The following FSTL5 variants were observed in gnomAD, a reference collection of about 807,000 sequenced individuals.
FSTL5 encodes follistatin-related protein 5.
In FSTL5, 62 loss-of-function variants were observed where a neutral mutation model predicts 89.1. The ratio of observed to expected loss-of-function variants is 0.70; its 90% CI spans 0.57 to 0.86. FSTL5 has a LOEUF of 0.86. Among genes scored for constraint, FSTL5 ranks in the 40% least tolerant of loss-of-function variants. The pLI, the probability that FSTL5 is intolerant of heterozygous loss-of-function variation, is 0.00. For synonymous variants in FSTL5, 383 were observed against 346.2 expected (o/e 1.11, Z -1.18); for missense variants, 1,057 against 1,001.6 (o/e 1.06, Z -0.75).
At chr4:162,009,301 C>T (rs2111125978) in intron 3 of FSTL5, among the ~76,000 whole-genome samples, 1 of 152,164 alleles carries the variant, frequency 6.6e-6, no homozygotes, top group African/African-American at 2.4e-5. Flanking sequence ...TATCTCTTCT[C>T]AACTTTGATA....
chr4:162,147,318 A>G (rs1307268062), intron 1 of FSTL5, among the ~76,000 whole-genome samples: 1 of 152,120 alleles, frequency 6.6e-6, no homozygotes, highest in East Asian at 1.9e-4. Flanking sequence ...ATTTCTCTTT[A>G]GTTAACATTC....
At chr4:161,781,003 T>C (rs1252271467) in intron 4 of FSTL5, among the ~76,000 whole-genome samples, 3 of 152,150 alleles carry the variant, frequency 2.0e-5, no homozygotes, top group Non-Finnish European at 4.4e-5. Context: ...TTTGATTAGT[T>C]TGATTCCAAT....
At chr4:161,514,297 G>T (rs1160323625) in intron 10 of FSTL5, among the ~76,000 whole-genome samples, 1 of 151,632 alleles carries the variant, frequency 6.6e-6, no homozygotes, top group Admixed American at 6.6e-5. Flanking sequence ...GCCATAAAAA[G>T]AAATGAAATC....
chr4:161,578,475 T>C (rs1379785900), intron 8 of FSTL5, among the ~76,000 whole-genome samples: 1 of 151,998 alleles, frequency 6.6e-6, no homozygotes, highest in African/African-American at 2.4e-5. Context: ...AATTCAGTGA[T>C]TTATGAGAAA....
intron 1 of FSTL5, among the ~76,000 whole-genome samples, chr4:162,131,287 C>T (rs1334526420): frequency 6.6e-6 from 1 of 152,154 alleles, no homozygotes; most frequent in Admixed American, 6.5e-5. Context: ...TATCTTTTCA[C>T]TTATAAGCCA....
intron 10 of FSTL5, among the ~76,000 whole-genome samples, chr4:161,534,831 G>A (rs1247221689): frequency 6.6e-6 from 1 of 151,844 alleles, no homozygotes; most frequent in African/African-American, 2.4e-5. Context: ...TATACTACAG[G>A]GAGACAGTAA....
At chr4:161,627,029 T>C (rs1163299192) in intron 7 of FSTL5, among the ~76,000 whole-genome samples, 1 of 152,190 alleles carries the variant, frequency 6.6e-6, no homozygotes, top group African/African-American at 2.4e-5. Context: ...GAAAATTGTT[T>C]AAATGACAAA....
chr4:161,560,093 T>C (rs1230430677), intron 8 of FSTL5, among the ~76,000 whole-genome samples: 1 of 151,782 alleles, frequency 6.6e-6, no homozygotes, highest in East Asian at 1.9e-4. Flanking sequence ...AGTGTTAGTG[T>C]AGTTTATATG....
chr4:162,071,138 A>C (rs1410057011), intron 2 of FSTL5, among the ~76,000 whole-genome samples: 1 of 151,748 alleles, frequency 6.6e-6, no homozygotes, highest in Non-Finnish European at 1.5e-5. Flanking sequence ...ACTATCAATA[A>C]AAATTTTGAA....
intron 1 of FSTL5, among the ~76,000 whole-genome samples, chr4:162,133,978 T>C (rs1732420482): frequency 6.6e-6 from 1 of 152,176 alleles, no homozygotes; most frequent in African/African-American, 2.4e-5. Flanking sequence ...CAATTAATCT[T>C]AGCACTGAAG....
In FSTL5 at chr4:161,587,476, T is replaced by C; in HGVS notation, c.994A>G (p.Thr332Ala). The change falls in exon 8 of 16, where the codon ACT (threonine) becomes GCT (alanine). Residue 332 changes from threonine to alanine, a missense_variant. Thr to Ala is a moderately conservative substitution (Grantham distance 58). Transcript: ENST00000306100. ...TTACCATTCACTTGGAAGATGTGAG[T>C]CTGATAGACTTGTTCATAGCCATCT... ...YADGYEQVYQTHIFQVNVPPV... is the reference protein window; with the variant it reads ...YADGYEQVYQAHIFQVNVPPV... 1 of 1,613,380 alleles carries C rather than the reference T, an allele frequency of 6.2e-7. No homozygotes were observed. Among genetic ancestry groups the C allele is most frequent in the Non-Finnish European group, 8.5e-7 (1 of 1,179,548 alleles).
intron 7 of FSTL5, 114 bp from the exon 8 acceptor site, chr4:161,587,689 A>T: frequency 1.4e-6 from 1 of 699,684 alleles, no homozygotes; most frequent in East Asian, 2.9e-5. Flanking sequence ...TTGTTTTAAA[A>T]TTATCAAAAT....
At chr4:161,715,909 T>A (rs1738961177) in intron 6 of FSTL5, among the ~76,000 whole-genome samples, 1 of 152,246 alleles carries the variant, frequency 6.6e-6, no homozygotes, top group Non-Finnish European at 1.5e-5. Flanking sequence ...CAGCATTTGC[T>A]TGGCCACTGC....
intron 10 of FSTL5, among the ~76,000 whole-genome samples, chr4:161,511,150 A>C (rs150881734): frequency 0.014 from 2,083 of 152,272 alleles, 45 homozygotes; most frequent in African/African-American, 0.045. Flanking sequence ...AGTTACAATA[A>C]CACTATATGT....
At chr4:161,520,625 G>C (rs1432247269) in intron 10 of FSTL5, among the ~76,000 whole-genome samples, 2 of 152,054 alleles carry the variant, frequency 1.3e-5, no homozygotes, top group Non-Finnish European at 2.9e-5. Context: ...ATTATATGTG[G>C]TTGGAACAAA....
At chr4:161,429,155 T>C (rs1344757870) in intron 15 of FSTL5, among the ~76,000 whole-genome samples, 1 of 151,762 alleles carries the variant, frequency 6.6e-6, no homozygotes, top group Non-Finnish European at 1.5e-5. Context: ...GAAGGGCTTT[T>C]TTGTGTGTGT....
chr4:161,578,712 C>G (rs1733323139), intron 8 of FSTL5, among the ~76,000 whole-genome samples: 1 of 151,856 alleles, frequency 6.6e-6, no homozygotes, highest in Non-Finnish European at 1.5e-5. Context: ...AAGAGAAACT[C>G]TTAAAAGCAG....
intron 2 of FSTL5, among the ~76,000 whole-genome samples, chr4:162,055,750 A>G (rs1400141837): frequency 6.6e-6 from 1 of 151,952 alleles, no homozygotes; most frequent in East Asian, 1.9e-4. Flanking sequence ...AGTTTTTACT[A>G]CTATGAATAG....
intron 3 of FSTL5, among the ~76,000 whole-genome samples, chr4:161,958,225 C>T (rs969789925): frequency 3.3e-5 from 5 of 151,854 alleles, no homozygotes; most frequent in Non-Finnish European, 7.4e-5. Context: ...ATATTAAATT[C>T]TTTCTGTAGT....
Sources: gnomAD v4.1 joint callset for allele counts (sites outside exome capture counted in the v4.1 genomes callset) on GRCh38, gnomAD v4.1.1 for gene constraint, MANE v1.5 for transcripts, NCBI Gene and HGNC (gene_info 2026-07-23, HGNC 2026-07-21) for gene names.